ANPEP: variants seen among roughly 807,000 people sequenced by gnomAD.
ANPEP encodes the protein alanyl aminopeptidase, membrane, also known as aminopeptidase N.
ANPEP carries 70 observed loss-of-function variants against 114.6 expected under a neutral mutation model. The ratio of observed to expected loss-of-function variants is 0.61; its 90% confidence interval spans 0.50 to 0.75. ANPEP has a LOEUF of 0.75. Ranked by LOEUF, ANPEP falls within the 30% of genes least tolerant of loss-of-function variation. The pLI, the probability that ANPEP is intolerant of heterozygous loss-of-function variation, is 0.00. For missense variants in ANPEP, 1,184 were observed against 1,259.5 expected (o/e 0.94, Z 0.91); for synonymous variants, 548 against 522.3 (o/e 1.05, Z -0.67).
Position 89,803,345 on chromosome 15 carries a change from C to T in ANPEP, c.1504-41G>A, listed in dbSNP as rs752140097. The T allele has an allele frequency of 6.2e-6, 10 of 1,612,598 alleles. No homozygotes were observed. The highest frequency in any genetic ancestry group is 1.7e-5 in the Admixed American group (1 of 59,996). On this transcript the variant is annotated intron_variant, in intron 9 of 20. Coordinates refer to ENST00000300060, the MANE Select transcript of ANPEP (RefSeq NM_001150.3). The surrounding 1 kb of genome is among the most constrained non-coding windows in gnomAD (Gnocchi z 4.2). Reference sequence around the variant, plus strand: ...GCACAGTGAGAGCACAGCTGGAGCCCCCCAGGCTCCCCCTCTGTGGTGGGC... The same window carrying T: ...GCACAGTGAGAGCACAGCTGGAGCCTCCCAGGCTCCCCCTCTGTGGTGGGC...
At chr15:89,813,166 C>T (rs1445753653) in intron 1 of ANPEP, among the ~76,000 whole-genome samples, 1 of 152,128 alleles carries the variant, frequency 6.6e-6, no homozygotes, top group African/African-American at 2.4e-5. Flanking sequence ...ACTGTCCATG[C>T]CATGCCTCCA....
At chr15:89,804,211 G>A in intron 6 of ANPEP, 42 bp downstream of exon 6, 2 of 1,610,316 alleles carry the variant, frequency 1.2e-6, no homozygotes, top group Non-Finnish European at 8.5e-7. Context: ...TCCTCTCGGA[G>A]CCCCTGTTTC....
At position 89,801,450 on chromosome 15, in the gene ANPEP, C is replaced by T. The variant is rs369285131; in HGVS notation, c.1727G>A (p.Arg576His). 8.7e-6 allele frequency: 14 copies of T among 1,613,876 alleles called. No homozygotes were observed. Among genetic ancestry groups the T allele is most frequent in the South Asian group, 3.3e-5 (3 of 91,064 alleles). ...ATCTGCTCACTTGAATTCTGAGGGG[C>T]GGGTAACATTGGAATCGGGGTCAAG... ...FLLDPDSNVT[R>H]PSEFNYVWIV... The change falls in exon 11 of 21, where the codon CGC (arginine) becomes CAC (histidine). Residue 576 changes from arginine to histidine, a missense_variant. Physicochemically the swap from Arg to His is conservative, Grantham distance 29 (BLOSUM62 0). Coordinates refer to ENST00000300060, the MANE Select transcript of ANPEP (RefSeq NM_001150.3).
rs1894553334 is a variant in ANPEP at position 89,799,948 on chromosome 15, A to G, written c.1820-389T>C. Among the ~76,000 whole-genome samples, 1 of 151,296 alleles carries G rather than the reference A, an allele frequency of 6.6e-6. No homozygotes were observed. Among genetic ancestry groups the G allele is most frequent in the Non-Finnish European group, 1.5e-5 (1 of 67,838 alleles). On this transcript the variant is annotated intron_variant, in intron 12 of 20. Coordinates refer to ENST00000300060, the MANE Select transcript of ANPEP (RefSeq NM_001150.3). This position sits in a 1 kb window ranked among gnomAD's most constrained non-coding sequence, Gnocchi z 4.2. ...CTCCCTTCCCCTCCCATTCACCCAG[A>G]CCCCCAGTGCTGCTGTCTCTTTCTG...
chr15:89,804,201 T>C, intron 6 of ANPEP, 52 bp downstream of exon 6: 1 of 1,606,988 alleles, frequency 6.2e-7, no homozygotes, highest in Non-Finnish European at 8.5e-7. Context: ...TTGCGCCGTC[T>C]CCTCTCGGAG....
At chr15:89,797,417 C>T in intron 15 of ANPEP, 158 bp downstream of exon 15, 1 of 1,134,828 alleles carries the variant, frequency 8.8e-7, no homozygotes, top group Non-Finnish European at 1.2e-6. Context: ...CAGGAGAGAA[C>T]CTGACAAGGC....
Position 89,803,922 on chromosome 15 carries a change from C to A in ANPEP, c.1260G>T (p.Leu420=). ...NEGFASYVEY[L]GADYAEPTWN... Reference sequence around the variant, plus strand: ...AGGTGGGCTCCGCATAGTCAGCACCCAGGTACTCCACGTAGGAGGCGAAGC... The same window carrying A: ...AGGTGGGCTCCGCATAGTCAGCACCAAGGTACTCCACGTAGGAGGCGAAGC... Residue 420 remains leucine, a synonymous_variant, in exon 7 of 21, where the codon CTG becomes CTT. Transcript: ENST00000300060. The surrounding 1 kb of genome is among the most constrained non-coding windows in gnomAD (Gnocchi z 4.2). The A allele has an allele frequency of 6.2e-7, 1 of 1,614,186 alleles. No homozygotes were observed. Among genetic ancestry groups the A allele is most frequent in the East Asian group, 2.2e-5 (1 of 44,874 alleles).
rs1173509041 is a variant in ANPEP at position 89,805,377 on chromosome 15, T to C, written c.701A>G (p.Asn234Ser). The change falls in exon 3 of 21, where the codon AAC becomes AGC. Residue 234 changes from asparagine (N) to serine (S), a missense_variant. Physicochemically the swap from Asn to Ser is conservative, Grantham distance 46. Coordinates refer to ENST00000300060, the MANE Select transcript of ANPEP (RefSeq NM_001150.3). ...FDEPAMKAEF[N>S]ITLIHPKDLT... ...GTCCTTGGGGTGGATAAGCGTGATG[T>C]TGAACTCGGCCTTCATGGCCGGCTC... is the stretch of plus-strand genomic sequence containing the variant. 2 of 1,614,044 alleles carry C rather than the reference T, an allele frequency of 1.2e-6. No homozygotes were observed. Among genetic ancestry groups the C allele is most frequent in the Non-Finnish European group, 1.7e-6 (2 of 1,180,006 alleles).
At chr15:89,792,598 C>G (rs760499515) in intron 16 of ANPEP, 36 bp from the exon 17 acceptor site, 14 of 1,570,640 alleles carry the variant, frequency 8.9e-6, no homozygotes, top group South Asian at 2.2e-5. Context: ...GCACACCTGG[C>G]GAACTCCAGC....
In ANPEP at chr15:89,784,992, G is replaced by C. The variant is rs899494284; in HGVS notation, c.*357C>G. 30 of 219,910 alleles carry C rather than the reference G, an allele frequency of 1.4e-4. No homozygotes were observed. Among genetic ancestry groups the C allele is most frequent in the African/African-American group, 6.1e-4 (27 of 44,502 alleles). 13.6% of individuals were successfully genotyped at this position (219,910 alleles called of 1,614,324 possible). ...AGATTTAGGGTCTTTAGGGAAAGGT[G>C]AAAGAGGGTACAGGGCGGCCCCCAG... On this transcript the variant is annotated 3_prime_UTR_variant, in exon 21 of 21. Transcript: ENST00000300060.
chr15:89,800,210 C>T (rs1427433550), intron 12 of ANPEP, among the ~76,000 whole-genome samples: 1 of 152,210 alleles, frequency 6.6e-6, no homozygotes, highest in African/African-American at 2.4e-5. Context: ...CTTGCTATTC[C>T]CTTTGCCTGG....
Position 89,803,629 on chromosome 15 carries a change from A to G in ANPEP, c.1437+18T>C. 1 of 1,607,034 alleles carries G rather than the reference A, an allele frequency of 6.2e-7. No homozygotes were observed. Among genetic ancestry groups the G allele is most frequent in the South Asian group, 1.1e-5 (1 of 90,828 alleles). On this transcript the variant is annotated intron_variant, in intron 8 of 20. Coordinates refer to ENST00000300060, the MANE Select transcript of ANPEP (RefSeq NM_001150.3). This position sits in a 1 kb window ranked among gnomAD's most constrained non-coding sequence, Gnocchi z 4.2. ...GTCCCCACCTCCTTCCCCGTGCCCCACGAGGAGCGGGCTGCACCTTGCTGT... is the reference window on the plus strand; with the variant it reads ...GTCCCCACCTCCTTCCCCGTGCCCCGCGAGGAGCGGGCTGCACCTTGCTGT...
intron 1 of ANPEP, among the ~76,000 whole-genome samples, chr15:89,811,825 T>C (rs543796939): frequency 2.0e-5 from 3 of 152,250 alleles, no homozygotes; most frequent in African/African-American, 7.2e-5. Context: ...GCAAAATGCA[T>C]GTGTTCCTTT....
At chr15:89,790,792 C>T (rs1369219019) in intron 19 of ANPEP, among the ~76,000 whole-genome samples, 161 bp downstream of exon 19, 1 of 152,196 alleles carries the variant, frequency 6.6e-6, no homozygotes, top group African/African-American at 2.4e-5. Flanking sequence ...CGGCCCATAC[C>T]CCAGCTTGTC....
chr15:89,809,688 C>A (rs1039099955), intron 1 of ANPEP, among the ~76,000 whole-genome samples: 13 of 152,244 alleles, frequency 8.5e-5, no homozygotes, highest in African/African-American at 2.9e-4. Context: ...TCCCCTGTCA[C>A]CCAACCCCAC....
Position 89,803,549 on chromosome 15 carries a change from C to A in ANPEP, c.1438-42G>T, listed in dbSNP as rs1192434747. 1.2e-6 allele frequency: 2 copies of A among 1,602,948 alleles called. No individual in the cohort carries two copies. The highest frequency in any genetic ancestry group is 8.5e-7 in the Non-Finnish European group (1 of 1,176,942). On this transcript the variant is annotated intron_variant, in intron 8 of 20. Coordinates refer to ENST00000300060, the MANE Select transcript of ANPEP (RefSeq NM_001150.3). This position sits in a 1 kb window ranked among gnomAD's most constrained non-coding sequence, Gnocchi z 4.2. Reference sequence around the variant, plus strand: ...GGGGCGCTCAGAAGGCTGTGCAGAGCCACCAGGACCCTGTGCCCCCAGACC... The same window carrying A: ...GGGGCGCTCAGAAGGCTGTGCAGAGACACCAGGACCCTGTGCCCCCAGACC...
rs578041370 is a variant in ANPEP at position 89,803,704 on chromosome 15, C to T, written c.1380G>A (p.Ser460=). Residue 460 remains serine, a synonymous_variant, in exon 8 of 21, where the codon TCG becomes TCA. Transcript: ENST00000300060. The surrounding 1 kb of genome is among the most constrained non-coding windows in gnomAD (Gnocchi z 4.2). ...ASSHPLSTPA[S]EINTPAQISE... ...TGATCTGGGCCGGCGTGTTGATCTC[C>T]GAGGCGGGTGTGGACAGCGGGTGGG... 3.2e-5 allele frequency: 52 copies of T among 1,612,656 alleles called. 1 individual carries two copies. The highest frequency in any genetic ancestry group is 3.3e-4 in the Middle Eastern group (2 of 6,058).
Position 89,799,029 on chromosome 15 carries a change from C to CTCTG in ANPEP, c.2009+227_2009+230dup, listed in dbSNP as rs1436599403. 6.6e-6 allele frequency among the ~76,000 whole-genome samples: 1 copy of CTCTG among 152,202 alleles called. No homozygotes were observed. Among genetic ancestry groups the CTCTG allele is most frequent in the Non-Finnish European group, 1.5e-5 (1 of 68,036 alleles). ...AGGATGGCTTTGGAGTTGGACAAGC[C>CTCTG]TCTGTCTGGCTGTCATGAACTACTG... On this transcript the variant is annotated intron_variant, in intron 14 of 20. Transcript: ENST00000300060. This position sits in a 1 kb window ranked among gnomAD's most constrained non-coding sequence, Gnocchi z 4.2.
At position 89,806,916 on chromosome 15, in the gene ANPEP, C is replaced by G; in HGVS notation, c.-223-110G>C. ...AGGCCCAGTGGGCAAAGCAAGCGGC[C>G]AGGTGGCATTGCATTGATCTGCTTG... On this transcript the variant is annotated intron_variant, in intron 1 of 20. Transcript: ENST00000300060. The surrounding 1 kb of genome is among the most constrained non-coding windows in gnomAD (Gnocchi z 5.7). The G allele has an allele frequency of 3.3e-6, 1 of 301,264 alleles. No individual in the cohort carries two copies. The highest frequency in any genetic ancestry group is 6.3e-6 in the Non-Finnish European group (1 of 158,104). The allele number at this position is 301,264 out of a possible 1,614,324, so 18.7% of individuals were successfully genotyped here.
Sources: gnomAD v4.1 joint callset for allele counts (sites outside exome capture counted in the v4.1 genomes callset) on GRCh38, gnomAD v4.1.1 for gene constraint, Gnocchi (gnomAD v3.1) non-coding constraint, MANE v1.5 for transcripts, NCBI Gene and HGNC (gene_info 2026-07-23, HGNC 2026-07-21) for gene names.